The following GOPC variants were observed in gnomAD, a reference collection of about 807,000 sequenced individuals.
GOPC encodes Golgi-associated PDZ and coiled-coil motif-containing protein.
A neutral mutation model predicts 51.2 loss-of-function variants in GOPC; 32 were observed. The ratio of observed to expected loss-of-function variants is 0.63; its 90% CI spans 0.47 to 0.84. The LOEUF is 0.84. Among genes scored for constraint, GOPC ranks in the 40% least tolerant of loss-of-function variants. The pLI, the probability that GOPC is intolerant of heterozygous loss-of-function variation, is 0.00. For synonymous variants in GOPC, 190 were observed against 205.1 expected, an observed-to-expected ratio of 0.93 and a Z score of 0.63; for missense variants, 441 against 555.5, an observed-to-expected ratio of 0.79 and a Z score of 2.07.
intron 8 of GOPC, among the ~76,000 whole-genome samples, chr6:117,564,823 A>T (rs767334196): frequency 9.2e-5 from 14 of 152,220 alleles, no homozygotes; most frequent in Non-Finnish European, 1.9e-4. Context: ...ACATACTGCC[A>T]CAATAGTTTT....
chr6:117,602,459 G>A lies in GOPC; in HGVS notation c.-171C>T. 3.1e-6 allele frequency: 2 copies of A among 649,748 alleles called. No individual in the cohort carries two copies. The highest frequency in any genetic ancestry group is 5.2e-6 in the Non-Finnish European group (2 of 384,488). The allele number at this position is 649,748 out of a possible 1,614,324, so 40.2% of individuals were successfully genotyped here. ...AGTCACAGAACCGCAGGAGTAACGA[G>A]GCTGAAGCTGAGGCGGCAACGGCGG... On this transcript the variant is annotated 5_prime_UTR_variant, in exon 1 of 9. Coordinates refer to ENST00000368498, the MANE Select transcript of GOPC (RefSeq NM_020399.4).
chr6:117,574,202 C>T (rs779995103), intron 4 of GOPC, among the ~76,000 whole-genome samples: 1 of 151,138 alleles, frequency 6.6e-6, no homozygotes, highest in Non-Finnish European at 1.5e-5. Context: ...AGTGAGCCAA[C>T]GTTGCACCAC....
chr6:117,596,823 T>C (rs1780204326), intron 1 of GOPC, among the ~76,000 whole-genome samples: 1 of 152,232 alleles, frequency 6.6e-6, no homozygotes, highest in South Asian at 2.1e-4. Flanking sequence ...GGTAACCTAA[T>C]GCCTCCAGGT....
intron 8 of GOPC, 78 bp downstream of exon 8, chr6:117,566,776 A>G (rs1266765237): frequency 2.3e-6 from 2 of 886,714 alleles, no homozygotes; most frequent in East Asian, 2.8e-5. Flanking sequence ...GTTTTACTGA[A>G]GAAATTCTGA....
rs990569238 is a variant in GOPC at position 117,563,404 on chromosome 6, A to C, written c.1259-20T>G. On this transcript the variant is annotated intron_variant, in intron 8 of 8. Transcript: ENST00000368498. Reference sequence around the variant, plus strand: ...TAAATCCTGAAAGAAAGGAGAAAAAAAAAGCAGACACTTTCTGGTTTAAAA... The same window carrying C: ...TAAATCCTGAAAGAAAGGAGAAAAACAAAGCAGACACTTTCTGGTTTAAAA... The C allele has an allele frequency of 3.7e-6, 6 of 1,611,572 alleles. No homozygotes were observed. The highest frequency in any genetic ancestry group is 1.7e-4 in the Middle Eastern group (1 of 6,050).
At chr6:117,599,165 A>ACTCCAATTT (rs1771946529) in intron 1 of GOPC, among the ~76,000 whole-genome samples, 2 of 152,158 alleles carry the variant, frequency 1.3e-5, no homozygotes, top group Non-Finnish European at 2.9e-5. Context: ...CCCAAATTGG[A>ACTCCAATTT]GGTATCTGTT....
At chr6:117,573,701 G>A (rs1779839073) in intron 4 of GOPC, 69 bp from the exon 5 acceptor site, 1 of 1,274,868 alleles carries the variant, frequency 7.8e-7, no homozygotes, top group African/African-American at 1.5e-5. Context: ...AGGAAAATTA[G>A]TGAACATAAG....
chr6:117,592,651 C>T (rs1780135698), intron 1 of GOPC, among the ~76,000 whole-genome samples: 3 of 152,058 alleles, frequency 2.0e-5, no homozygotes, highest in Non-Finnish European at 4.4e-5. Flanking sequence ...GATTTAGGGC[C>T]CCCTCTAATC....
In GOPC at chr6:117,565,679, G is replaced by A. The variant is rs564049720; in HGVS notation, c.1258+1175C>T. ...AGCTGTCAAGCTCATGGTGATCAAC[G>A]TATGTTTTACAAAGTTCTAACTTTC... On this transcript the variant is annotated intron_variant, in intron 8 of 8. Coordinates refer to ENST00000368498, the MANE Select transcript of GOPC (RefSeq NM_020399.4). 2.1e-3 allele frequency among the ~76,000 whole-genome samples: 324 copies of A among 152,222 alleles called. 1 individual carries two copies. The highest frequency in any genetic ancestry group is 7.5e-3 in the African/African-American group (310 of 41,538).
chr6:117,594,312 C>T (rs1780161556), intron 1 of GOPC, among the ~76,000 whole-genome samples: 1 of 152,192 alleles, frequency 6.6e-6, no homozygotes, highest in African/African-American at 2.4e-5. Context: ...TCCTATTTCT[C>T]TTAGCTTAAT....
chr6:117,577,383 G>A, intron 3 of GOPC, 65 bp downstream of exon 3: 1 of 1,360,106 alleles, frequency 7.4e-7, no homozygotes, highest in Non-Finnish European at 1.0e-6. Flanking sequence ...CATATAATAT[G>A]CAAATAAAAC....
chr6:117,568,050 T>G (rs960648063), intron 7 of GOPC, among the ~76,000 whole-genome samples: 3 of 139,426 alleles, frequency 2.2e-5, no homozygotes, highest in African/African-American at 8.1e-5. Flanking sequence ...AAAAAAAAAA[T>G]TAGCTGGCCA....
At chr6:117,597,319 T>A (rs1264076074) in intron 1 of GOPC, among the ~76,000 whole-genome samples, 1 of 152,194 alleles carries the variant, frequency 6.6e-6, no homozygotes, top group African/African-American at 2.4e-5. Flanking sequence ...TATACTATCA[T>A]GTCATCAGCA....
At chr6:117,564,979 C>T (rs1269910217) in intron 8 of GOPC, among the ~76,000 whole-genome samples, 2 of 152,018 alleles carry the variant, frequency 1.3e-5, no homozygotes, top group Non-Finnish European at 2.9e-5. Flanking sequence ...TCTCAGGAGG[C>T]CTTTATACTA....
Position 117,602,255 on chromosome 6 carries a change from C to A in GOPC, c.34G>T (p.Gly12Ter). Residue 12 changes from glycine (G) to a stop codon, truncating the protein, a stop_gained, in exon 1 of 9, where the codon GGA becomes TGA. Transcript: ENST00000368498. LOFTEE classifies it high-confidence loss of function. The stretch of plus-strand genomic sequence containing the variant: ...CAGGAGGCGCCCCCTGGGCCCCCTC[C>A]GGCTGCTGCTGGGCATGGACCGCCC... Reference protein sequence around the residue: ...SAGGPCPAAAGGGPGGASCSV... With the variant: ...SAGGPCPAAA The A allele has an allele frequency of 6.3e-7, 1 of 1,598,286 alleles. No homozygotes were observed. Among genetic ancestry groups the A allele is most frequent in the Non-Finnish European group, 8.5e-7 (1 of 1,178,874 alleles).
At chr6:117,565,631 T>G (rs1291616479) in intron 8 of GOPC, among the ~76,000 whole-genome samples, 1 of 152,188 alleles carries the variant, frequency 6.6e-6, no homozygotes, top group Non-Finnish European at 1.5e-5. Context: ...ATCAATCTCA[T>G]CAGAAAAGCT....
chr6:117,568,576 T>C (rs1562138558), intron 7 of GOPC, among the ~76,000 whole-genome samples: 3 of 152,210 alleles, frequency 2.0e-5, no homozygotes, highest in South Asian at 4.1e-4. Flanking sequence ...GTAGCATTCT[T>C]AGATCTCTCT....
intron 8 of GOPC, among the ~76,000 whole-genome samples, chr6:117,566,070 T>C (rs1360312225): frequency 6.6e-6 from 1 of 152,200 alleles, no homozygotes; most frequent in Admixed American, 6.5e-5. Context: ...CTTCTTTTAC[T>C]ATGAATGGAT....
At chr6:117,570,518 C>T (rs984076608) in intron 6 of GOPC, among the ~76,000 whole-genome samples, 1 of 151,736 alleles carries the variant, frequency 6.6e-6, no homozygotes, top group African/African-American at 2.4e-5. Context: ...ACACGTACTC[C>T]GAGAGAGAAC....
Sources: gnomAD v4.1 joint callset for allele counts (sites outside exome capture counted in the v4.1 genomes callset) on GRCh38, gnomAD v4.1.1 for gene constraint, MANE v1.5 for transcripts, NCBI Gene and HGNC (gene_info 2026-07-23, HGNC 2026-07-21) for gene names.